CPNE4: variants seen among roughly 807,000 people sequenced by gnomAD.
The protein encoded by CPNE4 is copine-4.
Under a neutral mutation model 67.9 loss-of-function variants are expected in CPNE4, and 25 were observed. That is an observed-to-expected ratio of 0.37 (90% CI 0.27 to 0.51). The LOEUF is 0.51. CPNE4 is among the 20% of genes least tolerant of loss of function. The pLI, the probability that CPNE4 is intolerant of heterozygous loss-of-function variation, is 0.93. For missense variants in CPNE4, 464 were observed against 690.8 expected (o/e 0.67, Z 3.68); for synonymous variants, 242 against 244.9 (o/e 0.99, Z 0.11).
chr3:132,006,669 T>C (rs930527288), intron 1 of CPNE4, among the ~76,000 whole-genome samples: 6 of 151,738 alleles, frequency 4.0e-5, no homozygotes, highest in Admixed American at 2.0e-4. Context: ...TTTTTTGTTG[T>C]TGTTCTCTGG....
intron 2 of CPNE4, among the ~76,000 whole-genome samples, chr3:131,883,861 G>A (rs1202665849): frequency 1.3e-5 from 2 of 152,168 alleles, no homozygotes; most frequent in African/African-American, 4.8e-5. Flanking sequence ...TCCTTAAATA[G>A]GCTAAGCACA....
chr3:131,838,046 T>C (rs2085626650), intron 2 of CPNE4, among the ~76,000 whole-genome samples: 1 of 152,010 alleles, frequency 6.6e-6, no homozygotes, highest in South Asian at 2.1e-4. Flanking sequence ...TGCAGTCACC[T>C]TTGTTCCCAT....
chr3:131,713,895 G>A (rs745804618), intron 3 of CPNE4, among the ~76,000 whole-genome samples: 4 of 148,466 alleles, frequency 2.7e-5, no homozygotes, highest in East Asian at 3.9e-4. Context: ...AAAGACAGCA[G>A]TAAAAAAAAA....
intron 2 of CPNE4, among the ~76,000 whole-genome samples, chr3:131,775,542 G>C (rs552916325): frequency 6.6e-6 from 1 of 152,034 alleles, no homozygotes; most frequent in Non-Finnish European, 1.5e-5. Context: ...CATGGGGGCT[G>C]GTCTTTCCCA....
intron 7 of CPNE4, among the ~76,000 whole-genome samples, chr3:131,657,682 G>A (rs1014118519): frequency 6.7e-5 from 10 of 149,326 alleles, no homozygotes; most frequent in Admixed American, 1.4e-4. Context: ...TTACAGGCAC[G>A]TGCCACCACG....
chr3:131,724,886 T>A (rs2081968107), intron 2 of CPNE4, among the ~76,000 whole-genome samples: 1 of 152,232 alleles, frequency 6.6e-6, no homozygotes, highest in Non-Finnish European at 1.5e-5. Context: ...TTTTCCTACA[T>A]ACTTGTCACA....
intron 1 of CPNE4, among the ~76,000 whole-genome samples, chr3:132,009,543 G>T (rs961223210): frequency 1.2e-4 from 19 of 152,134 alleles, no homozygotes; most frequent in Non-Finnish European, 2.5e-4. Flanking sequence ...TCAAAGAGAG[G>T]GTGTCTGAGA....
chr3:131,654,632 T>C (rs2079904073), intron 7 of CPNE4, among the ~76,000 whole-genome samples: 1 of 152,180 alleles, frequency 6.6e-6, no homozygotes, highest in African/African-American at 2.4e-5. Flanking sequence ...GAAATTATAT[T>C]CTGATGGCCA....
chr3:131,628,204 A>T (rs976103635), intron 7 of CPNE4, among the ~76,000 whole-genome samples: 1 of 152,218 alleles, frequency 6.6e-6, no homozygotes, highest in Non-Finnish European at 1.5e-5. Context: ...TTGAGGCAAC[A>T]TCCCAACACC....
At chr3:131,668,922 A>T (rs760440715) in intron 7 of CPNE4, among the ~76,000 whole-genome samples, 13 of 152,160 alleles carry the variant, frequency 8.5e-5, no homozygotes, top group African/African-American at 3.1e-4. Flanking sequence ...AGCTTCTTCC[A>T]CCAAGAGATG....
chr3:132,038,390 CAA>C (rs892278095), upstream of CPNE4, among the ~76,000 whole-genome samples: 2 of 129,612 alleles, frequency 1.5e-5, no homozygotes, highest in African/African-American at 5.7e-5. Context: ...CATTGGGTAA[CAA>C]CCTGTGCTAC....
chr3:131,989,130 T>C (rs1283078076), intron 1 of CPNE4, among the ~76,000 whole-genome samples: 1 of 152,230 alleles, frequency 6.6e-6, no homozygotes, highest in Non-Finnish European at 1.5e-5. Context: ...CCTGTCTGAA[T>C]GACTCTCAGG....
intron 2 of CPNE4, among the ~76,000 whole-genome samples, chr3:131,754,264 TG>T (rs1398106688): frequency 2.0e-5 from 3 of 151,906 alleles, no homozygotes; most frequent in Non-Finnish European, 2.9e-5. Flanking sequence ...TAAGATTACA[TG>T]GGCAAAGAGA....
Position 132,034,624 on chromosome 3 carries a change from C to T in CPNE4, c.-59G>A. On this transcript the variant is annotated 5_prime_UTR_variant, in exon 1 of 16. Coordinates refer to ENST00000429747, the MANE Select transcript of CPNE4 (RefSeq NM_130808.3). ...AATTCAGCCCGGGACGAGGTCTGTCCCGCCCCCAGGATGCAAAATCCGGCT... is the reference window on the plus strand; with the variant it reads ...AATTCAGCCCGGGACGAGGTCTGTCTCGCCCCCAGGATGCAAAATCCGGCT... 1.0e-6 allele frequency: 1 copy of T among 985,486 alleles called. No homozygotes were observed. 61.0% of individuals were successfully genotyped at this position (985,486 alleles called of 1,614,324 possible).
chr3:131,831,428 C>A (rs1054024075), intron 2 of CPNE4, among the ~76,000 whole-genome samples: 1 of 152,130 alleles, frequency 6.6e-6, no homozygotes. Context: ...AACACTGGAG[C>A]TTTGTATTAC....
At chr3:131,788,332 G>A (rs1253077300) in intron 2 of CPNE4, among the ~76,000 whole-genome samples, 2 of 151,780 alleles carry the variant, frequency 1.3e-5, no homozygotes. Flanking sequence ...ATACCCGAAT[G>A]GAAAAAAATG....
chr3:131,882,129 A>C (rs1213380152), intron 2 of CPNE4, among the ~76,000 whole-genome samples: 3 of 109,222 alleles, frequency 2.7e-5, no homozygotes. Context: ...TTCATTCTTC[A>C]GTTCTAATAC....
At chr3:132,018,565 T>C (rs573304177) in intron 1 of CPNE4, among the ~76,000 whole-genome samples, 41 of 152,338 alleles carry the variant, frequency 2.7e-4, no homozygotes, top group African/African-American at 8.7e-4. Flanking sequence ...CTCATCTTTA[T>C]GTCTATCTGT....
At chr3:131,954,815 G>A (rs2071891735) in intron 1 of CPNE4, among the ~76,000 whole-genome samples, 1 of 152,038 alleles carries the variant, frequency 6.6e-6, no homozygotes, top group Admixed American at 6.5e-5. Context: ...TCCCTACAGA[G>A]GACATGAACT....
Sources: gnomAD v4.1 joint callset for allele counts (sites outside exome capture counted in the v4.1 genomes callset) on GRCh38, gnomAD v4.1.1 for gene constraint, MANE v1.5 for transcripts, NCBI Gene and HGNC (gene_info 2026-07-23, HGNC 2026-07-21) for gene names.